ZFAND4: variants seen among roughly 807,000 people sequenced by gnomAD.
The protein encoded by ZFAND4 is zinc finger AN1-type containing 4, also known as AN1-type zinc finger protein 4.
In ZFAND4, 43 loss-of-function variants were observed where a neutral mutation model predicts 64.4. The ratio of observed to expected loss-of-function variants is 0.67; its 90% confidence interval spans 0.52 to 0.86. The LOEUF (loss-of-function observed/expected upper bound fraction) is 0.86, where lower values mean the gene tolerates loss of function less well. Among genes scored for constraint, ZFAND4 ranks in the 40% least tolerant of loss-of-function variants. The pLI, the probability that ZFAND4 is intolerant of heterozygous loss-of-function variation, is 0.00. For synonymous variants in ZFAND4, 296 were observed against 305.7 expected (o/e 0.97, Z 0.33); for missense variants, 929 against 859.8 (o/e 1.08, Z -1.01).
At position 45,639,923 on chromosome 10, in the gene ZFAND4, C is replaced by T. The variant is rs757230453; in HGVS notation, c.610G>A (p.Glu204Lys). The change falls in exon 6 of 10, where the codon GAA (glutamate) becomes AAA (lysine). Residue 204 changes from glutamate (E) to lysine (K), a missense_variant. Glu to Lys is a moderately conservative substitution (Grantham distance 56). Transcript: ENST00000344646. ...MYNSDTDEDE[E>K]TEPSSSGQQI... ...TGCCCAGAAGAAGAAGGCTCAGTTT[C>T]TTCATCCTCATCTGTATCTGAATTA... 5.6e-6 allele frequency: 9 copies of T among 1,613,114 alleles called. No homozygotes were observed. The East Asian group carries it at 1.6e-4, about 28-fold the overall frequency.
At chr10:45,622,801 G>T (rs1326811968) in intron 8 of ZFAND4, among the ~76,000 whole-genome samples, 1 of 152,146 alleles carries the variant, frequency 6.6e-6, no homozygotes, top group Non-Finnish European at 1.5e-5. Context: ...GAAGACGGGA[G>T]TTTGAAAGTT....
intron 5 of ZFAND4, among the ~76,000 whole-genome samples, chr10:45,646,549 G>A (rs2047397943): frequency 6.6e-6 from 1 of 152,052 alleles, no homozygotes; most frequent in African/African-American, 2.4e-5. Flanking sequence ...ATGATATTTG[G>A]GCTGAGTCAT....
chr10:45,663,677 G>T lies in ZFAND4; in HGVS notation c.49C>A (p.Pro17Thr), dbSNP rs371919051. ...PPFFNDDNMG[P>T]FYYRLHFCDT... Reference sequence around the variant, plus strand: ...CAGAAATGAAGTCTGTAGTAAAATGGTCCCATGTTATCATCATTGAAGAAT... The same window carrying T: ...CAGAAATGAAGTCTGTAGTAAAATGTTCCCATGTTATCATCATTGAAGAAT... Residue 17 changes from proline to threonine, a missense_variant, in exon 2 of 10, where the codon CCA (proline) becomes ACA (threonine). Physicochemically the swap from Pro to Thr is conservative, Grantham distance 38. Transcript: ENST00000344646. The T allele has an allele frequency of 9.9e-6, 16 of 1,608,118 alleles. No individual in the cohort carries two copies. Among genetic ancestry groups the T allele is most frequent in the Non-Finnish European group, 1.4e-5 (16 of 1,178,584 alleles).
chr10:45,629,515 A>G (rs2046065295), intron 6 of ZFAND4, among the ~76,000 whole-genome samples: 1 of 152,220 alleles, frequency 6.6e-6, no homozygotes, highest in South Asian at 2.1e-4. Context: ...CTTCAAAAAC[A>G]GTAGTGAATC....
At chr10:45,625,630 CCTATATTCCCAG>C (rs145171361) in intron 7 of ZFAND4, among the ~76,000 whole-genome samples, 5,047 of 151,954 alleles carry the variant, frequency 0.033, 273 homozygotes, top group African/African-American at 0.11. Flanking sequence ...TTGGCATGTT[CCTATATTCCCAG>C]CTACTCAGGA....
chr10:45,648,230 T>G, intron 5 of ZFAND4, 64 bp downstream of exon 5: 10 of 1,440,372 alleles, frequency 6.9e-6, no homozygotes, highest in Admixed American at 2.5e-5. Context: ...ATGAGATGCA[T>G]GACATTTGTT....
chr10:45,626,016 GGA>G lies in ZFAND4; in HGVS notation c.1805_1806del (p.Leu602ProfsTer9), dbSNP rs2045794268. 1 of 1,614,018 alleles carries G rather than the reference GGA, an allele frequency of 6.2e-7. No individual in the cohort carries two copies. The highest frequency in any genetic ancestry group is 1.1e-5 in the South Asian group (1 of 91,092). ...QNSGTGLSTN[L>X]QHFQEENFRK... is the part of the protein sequence containing the mutation. The stretch of plus-strand genomic sequence containing the variant: ...CTAAAGTTTTCTTCCTGAAAATGCT[GGA>G]GGTTTGTAGACAGCCCAGTTCCAGA... On this transcript the variant is annotated frameshift_variant, in exon 7 of 10. Transcript: ENST00000344646. LOFTEE classifies it high-confidence loss of function.
intron 6 of ZFAND4, among the ~76,000 whole-genome samples, chr10:45,628,305 G>C (rs1182708988): frequency 6.6e-6 from 1 of 152,156 alleles, no homozygotes; most frequent in East Asian, 1.9e-4. Flanking sequence ...AAGAAACCTT[G>C]GAAAGATGAG....
chr10:45,619,397 C>T (rs1022360928), intron 8 of ZFAND4, among the ~76,000 whole-genome samples: 7 of 152,072 alleles, frequency 4.6e-5, no homozygotes, highest in African/African-American at 1.7e-4. Flanking sequence ...GATCAAAATG[C>T]CAACAAACCC....
intron 8 of ZFAND4, 137 bp downstream of exon 8, chr10:45,624,445 GA>G: frequency 3.0e-6 from 2 of 660,836 alleles, no homozygotes; most frequent in South Asian, 2.4e-5. Context: ...TTCTTAATTG[GA>G]AAAAGCATTT....
chr10:45,669,907 A>G (rs1449765993), intron 1 of ZFAND4, among the ~76,000 whole-genome samples: 3 of 152,174 alleles, frequency 2.0e-5, no homozygotes, highest in African/African-American at 7.2e-5. Flanking sequence ...ATTTATGACA[A>G]ACTCACAGCC....
At chr10:45,635,214 C>CAAAAAAA (rs76130878) in intron 6 of ZFAND4, among the ~76,000 whole-genome samples, 5 of 68,286 alleles carry the variant, frequency 7.3e-5, no homozygotes, top group Admixed American at 1.6e-4. Context: ...AAAAAAAAAA[C>CAAAAAAA]AAAAAAAAAA....
chr10:45,644,761 T>C (rs1011968886), intron 5 of ZFAND4, among the ~76,000 whole-genome samples: 2 of 152,220 alleles, frequency 1.3e-5, no homozygotes, highest in Non-Finnish European at 2.9e-5. Context: ...TGTTATTGTT[T>C]ATTGAGGGCG....
rs890219081 is a variant in ZFAND4 at position 45,663,814 on chromosome 10, T to C, written c.-89A>G. On this transcript the variant is annotated 5_prime_UTR_variant, in exon 2 of 10. The change creates a new upstream start codon in the 5' untranslated region. Coordinates refer to ENST00000344646, the MANE Select transcript of ZFAND4 (RefSeq NM_174890.4). ...ACCAGGTTTGAAGATTGGTAATATATATTGTTGTTCATGTTTTGAGTTTTG... is the reference window on the plus strand; with the variant it reads ...ACCAGGTTTGAAGATTGGTAATATACATTGTTGTTCATGTTTTGAGTTTTG... 1.3e-5 allele frequency: 15 copies of C among 1,127,984 alleles called. No individual in the cohort carries two copies. The East Asian group carries it at 1.8e-4, about 13-fold the overall frequency. 69.9% of individuals were successfully genotyped at this position (1,127,984 alleles called of 1,614,324 possible).
intron 4 of ZFAND4, chr10:45,648,931 C>A: frequency 1.0e-6 from 1 of 984,292 alleles, no homozygotes; most frequent in Non-Finnish European, 1.2e-6. Flanking sequence ...TTGGTTCCAA[C>A]AATAATTAAA....
chr10:45,641,121 G>A (rs999468969), intron 5 of ZFAND4, among the ~76,000 whole-genome samples: 3 of 152,168 alleles, frequency 2.0e-5, no homozygotes, highest in African/African-American at 4.8e-5. Flanking sequence ...TATCTTCTGA[G>A]TCTGCACCAG....
At chr10:45,651,637 A>G in intron 4 of ZFAND4, 1 of 482,798 alleles carries the variant, frequency 2.1e-6, no homozygotes, top group South Asian at 1.5e-5. Context: ...TGGTAGATTT[A>G]AAAATAAACA....
At chr10:45,668,008 A>C (rs1330622887) in intron 1 of ZFAND4, among the ~76,000 whole-genome samples, 1 of 152,192 alleles carries the variant, frequency 6.6e-6, no homozygotes, top group Non-Finnish European at 1.5e-5. Context: ...AATTTTATCA[A>C]ACGCTTTTTT....
At chr10:45,639,608 G>GATGAATT (rs111587270) in intron 6 of ZFAND4, 16,986 of 357,392 alleles carry the variant, frequency 0.048, 560 homozygotes, top group African/African-American at 0.11. Context: ...TCTTTAAAAT[G>GATGAATT]ATGTTAAGTG....
Sources: gnomAD v4.1 joint callset for allele counts (sites outside exome capture counted in the v4.1 genomes callset) on GRCh38, gnomAD v4.1.1 for gene constraint, MANE v1.5 for transcripts, NCBI Gene and HGNC (gene_info 2026-07-23, HGNC 2026-07-21) for gene names.